Variants in CACNA1C observed in about 807,000 individuals in gnomAD.
CACNA1C encodes calcium voltage-gated channel subunit alpha1 C.
A neutral mutation model predicts 229.0 loss-of-function variants in CACNA1C; 30 were observed. That is an observed-to-expected ratio of 0.13 (90% CI 0.10 to 0.18). The LOEUF is 0.18. CACNA1C is among the 10% of genes least tolerant of loss of function. The pLI, the probability that CACNA1C is intolerant of heterozygous loss-of-function variation, is 1.00. For synonymous variants in CACNA1C, 1,114 were observed against 1,132.5 expected (o/e 0.98, Z 0.33); for missense variants, 1,658 against 2,845.0 (o/e 0.58, Z 9.49).
chr12:2,187,670 G>A (rs1021669028), intron 3 of CACNA1C, among the ~76,000 whole-genome samples: 3 of 152,366 alleles, frequency 2.0e-5, no homozygotes, highest in East Asian at 1.9e-4. Flanking sequence ...TGGGCACTGC[G>A]GTGAGAACCG....
At chr12:2,663,077 A>AT (rs1405844092) in intron 34 of CACNA1C, among the ~76,000 whole-genome samples, 2 of 152,248 alleles carry the variant, frequency 1.3e-5, no homozygotes, top group African/African-American at 2.4e-5. Flanking sequence ...ATAGAGAAAG[A>AT]TTTTTTAAAC....
chr12:2,463,411 TG>T (rs1482141266), intron 5 of CACNA1C, among the ~76,000 whole-genome samples: 1 of 152,160 alleles, frequency 6.6e-6, no homozygotes, highest in Non-Finnish European at 1.5e-5. Context: ...AGATGCTAAG[TG>T]TGTTCTAGAG....
At chr12:2,416,979 G>GGC (rs1254252171) in intron 3 of CACNA1C, among the ~76,000 whole-genome samples, 2 of 152,204 alleles carry the variant, frequency 1.3e-5, no homozygotes, top group Non-Finnish European at 2.9e-5. Flanking sequence ...CAGTCCTTTA[G>GGC]ATGTTAGTGA....
chr12:2,284,709 T>G (rs1411816271), intron 3 of CACNA1C, among the ~76,000 whole-genome samples: 2 of 152,236 alleles, frequency 1.3e-5, no homozygotes, highest in Non-Finnish European at 2.9e-5. Flanking sequence ...CCTGCTTTGT[T>G]CAGTTTCCTG....
upstream of CACNA1C, among the ~76,000 whole-genome samples, chr12:2,050,447 A>C (rs1047831506): frequency 6.6e-6 from 1 of 152,246 alleles, no homozygotes; most frequent in African/African-American, 2.4e-5. Flanking sequence ...AGTACCTGGC[A>C]CAGAGCACTC....
chr12:2,043,574 G>A (rs1295643762), intron 1 of CACNA1C, among the ~76,000 whole-genome samples: 2 of 151,574 alleles, frequency 1.3e-5, no homozygotes, highest in East Asian at 1.9e-4. Context: ...CAATAGTTGT[G>A]TCCAAATGCA....
intron 9 of CACNA1C, among the ~76,000 whole-genome samples, chr12:2,537,894 G>T (rs1417273212): frequency 6.6e-6 from 1 of 152,034 alleles, no homozygotes; most frequent in Non-Finnish European, 1.5e-5. Flanking sequence ...TGAAGGTGGG[G>T]TGGGGGTGGG....
intron 1 of CACNA1C, among the ~76,000 whole-genome samples, chr12:2,071,423 A>C (rs758149740): frequency 6.6e-6 from 1 of 151,552 alleles, no homozygotes; most frequent in Non-Finnish European, 1.5e-5. Context: ...AGGTCTTGCT[A>C]TGTTGCCGAG....
chr12:2,451,597 T>C lies in CACNA1C; in HGVS notation c.617+2482T>C, dbSNP rs370605721. 5.4e-4 allele frequency among the ~76,000 whole-genome samples: 83 copies of C among 152,330 alleles called. 1 individual carries two copies. The East Asian group carries it at 0.015, about 27-fold the overall frequency. ...CAGGAGCCCTGGGAGGGAGGGGCCC[T>C]GCCTGGGTTGACAGGGAGGCAGTGC... On this transcript the variant is annotated intron_variant, in intron 4 of 46. Coordinates refer to ENST00000399655, the MANE Select transcript of CACNA1C (RefSeq NM_000719.7).
chr12:2,066,569 C>T (rs759310372), intron 1 of CACNA1C, among the ~76,000 whole-genome samples: 6 of 152,102 alleles, frequency 3.9e-5, no homozygotes, highest in South Asian at 2.1e-4. Flanking sequence ...GTTGTCCCGC[C>T]GAACTGTGCA....
chr12:2,348,360 A>T lies in CACNA1C; in HGVS notation c.478-100616A>T, dbSNP rs1157263060. 1.3e-5 allele frequency among the ~76,000 whole-genome samples: 2 copies of T among 152,164 alleles called. No homozygotes were observed. The highest frequency in any genetic ancestry group is 2.9e-5 in the Non-Finnish European group (2 of 68,014). On this transcript the variant is annotated intron_variant, in intron 3 of 46. Transcript: ENST00000399655. This position sits in a 1 kb window ranked among gnomAD's most constrained non-coding sequence, Gnocchi z 4.7. ...TCCTATGTGCGGGGGACTTCCCAAG[A>T]GCTCCCGGCCCACGACTGAGTCACG...
intron 3 of CACNA1C, among the ~76,000 whole-genome samples, chr12:2,271,716 A>G (rs2085074112): frequency 6.6e-6 from 1 of 151,936 alleles, no homozygotes; most frequent in Non-Finnish European, 1.5e-5. Flanking sequence ...CCTGGGAAAC[A>G]TAGTGAACCC....
At chr12:2,627,147 G>A in intron 29 of CACNA1C, among the ~76,000 whole-genome samples, 1 of 152,114 alleles carries the variant, frequency 6.6e-6, no homozygotes, top group East Asian at 1.9e-4. Context: ...CAAGCTAGCT[G>A]TGCAGCGTGT....
At chr12:2,487,154 C>T (rs1474285220) in intron 6 of CACNA1C, among the ~76,000 whole-genome samples, 2 of 152,008 alleles carry the variant, frequency 1.3e-5, no homozygotes, top group African/African-American at 4.8e-5. Context: ...GAAAAAATAA[C>T]ACCCACCCCA....
At chr12:2,080,605 A>AAAAAAAT (rs376249485) in intron 1 of CACNA1C, among the ~76,000 whole-genome samples, 1 of 147,654 alleles carries the variant, frequency 6.8e-6, no homozygotes, top group African/African-American at 2.5e-5. Flanking sequence ...TGTCTCAAAA[A>AAAAAAAT]AAAAAACAAA....
Position 2,654,879 on chromosome 12 carries a change from C to T in CACNA1C, c.4141-268C>T, listed in dbSNP as rs753296991. ...GCAGGATCCCGGTCCCAGCATCCACCGCTCTCAGCCCCAGCTCCCACTGGG... is the reference window on the plus strand; with the variant it reads ...GCAGGATCCCGGTCCCAGCATCCACTGCTCTCAGCCCCAGCTCCCACTGGG... On this transcript the variant is annotated intron_variant, in intron 33 of 46. Coordinates refer to ENST00000399655, the MANE Select transcript of CACNA1C (RefSeq NM_000719.7). The surrounding 1 kb of genome is among the most constrained non-coding windows in gnomAD (Gnocchi z 4.4). Among the ~76,000 whole-genome samples, 2 of 152,298 alleles carry T rather than the reference C, an allele frequency of 1.3e-5. No homozygotes were observed. The highest frequency in any genetic ancestry group is 2.1e-4 in the South Asian group (1 of 4,812).
chr12:2,150,970 C>T (rs2095199887), intron 3 of CACNA1C, among the ~76,000 whole-genome samples: 1 of 152,184 alleles, frequency 6.6e-6, no homozygotes, highest in African/African-American at 2.4e-5. Flanking sequence ...GTCTTTGGGT[C>T]CTGCATGCTT....
At chr12:2,141,282 A>G (rs960022031) in intron 3 of CACNA1C, among the ~76,000 whole-genome samples, 3 of 151,096 alleles carry the variant, frequency 2.0e-5, no homozygotes, top group Non-Finnish European at 4.4e-5. Flanking sequence ...AAGGATCTGG[A>G]GGAGGGTTAG....
chr12:2,101,503 C>G (rs117277652), intron 1 of CACNA1C, among the ~76,000 whole-genome samples: 2,506 of 152,300 alleles, frequency 0.016, 30 homozygotes, highest in South Asian at 0.039. Flanking sequence ...CCGTGCAGAA[C>G]AGAAATGCAC....
Sources: allele counts gnomAD v4.1 joint callset (sites outside exome capture counted in the v4.1 genomes callset), GRCh38; gene constraint gnomAD v4.1.1; non-coding constraint Gnocchi (gnomAD v3.1); transcripts MANE v1.5; gene names NCBI Gene and HGNC (gene_info 2026-07-23, HGNC 2026-07-21).